The following PAQR5 variants were observed in gnomAD, a reference collection of about 807,000 sequenced individuals.
PAQR5 encodes the protein progestin and adipoQ receptor family member 5.
In PAQR5, 20 loss-of-function variants were observed where a neutral mutation model predicts 34.5. The observed-to-expected ratio is 0.58, with a 90% CI of 0.41 to 0.84. The LOEUF (loss-of-function observed/expected upper bound fraction) is 0.84. Among genes scored for constraint, PAQR5 ranks in the 40% least tolerant of loss-of-function variants. PAQR5 has a pLI of 0.00. For missense variants in PAQR5, 378 were observed against 412.7 expected, an observed-to-expected ratio of 0.92 and a Z score of 0.73; for synonymous variants, 131 against 155.6, an observed-to-expected ratio of 0.84 and a Z score of 1.18.
At chr15:69,322,466 C>G (rs958266853) in intron 1 of PAQR5, among the ~76,000 whole-genome samples, 3 of 148,280 alleles carry the variant, frequency 2.0e-5, no homozygotes, top group South Asian at 2.1e-4. Flanking sequence ...GAGACCCCGT[C>G]TCAAAAAAAC....
chr15:69,307,900 G>A (rs1179472503), intron 1 of PAQR5, among the ~76,000 whole-genome samples: 4 of 152,184 alleles, frequency 2.6e-5, no homozygotes, highest in Admixed American at 2.0e-4. Flanking sequence ...CAGGCACCTG[G>A]GTAAGTTCAC....
At chr15:69,309,726 C>T (rs570241785) in intron 1 of PAQR5, among the ~76,000 whole-genome samples, 1 of 152,292 alleles carries the variant, frequency 6.6e-6, no homozygotes, top group Non-Finnish European at 1.5e-5. Flanking sequence ...TAGCTACCTA[C>T]TGTGAGGTTT....
At chr15:69,391,729 G>A (rs1481191272) in intron 6 of PAQR5, 1 of 455,752 alleles carries the variant, frequency 2.2e-6, no homozygotes, top group Non-Finnish European at 4.4e-6. Flanking sequence ...GGGGGCAGAG[G>A]AGGAAGAGAA....
intron 8 of PAQR5, among the ~76,000 whole-genome samples, chr15:69,403,126 G>A (rs2056685721): frequency 6.6e-6 from 1 of 152,244 alleles, no homozygotes; most frequent in Non-Finnish European, 1.5e-5. Context: ...GAACTTTGGT[G>A]CCTAATTTTT....
intron 1 of PAQR5, among the ~76,000 whole-genome samples, chr15:69,308,969 G>A (rs2053774743): frequency 6.6e-6 from 1 of 152,154 alleles, no homozygotes; most frequent in Non-Finnish European, 1.5e-5. Context: ...GAGTGCTAAG[G>A]AAATCCCCCA....
chr15:69,329,540 A>G (rs1405216246), intron 1 of PAQR5, among the ~76,000 whole-genome samples: 1 of 128,856 alleles, frequency 7.8e-6, no homozygotes, highest in Non-Finnish European at 1.5e-5. Flanking sequence ...TTACCAGTGC[A>G]GTGGTGCAAT....
chr15:69,319,755 C>G (rs544570901), intron 1 of PAQR5, among the ~76,000 whole-genome samples: 7 of 152,140 alleles, frequency 4.6e-5, no homozygotes, highest in Non-Finnish European at 5.9e-5. Flanking sequence ...GAGCAGCATG[C>G]GGGTGCTTGC....
chr15:69,315,339 TA>T (rs754968696), intron 1 of PAQR5, among the ~76,000 whole-genome samples: 42 of 152,212 alleles, frequency 2.8e-4, no homozygotes, highest in Admixed American at 4.6e-4. Flanking sequence ...GTCTGAATAA[TA>T]AAAGAAAAGA....
chr15:69,390,716 G>A (rs1173127789), intron 6 of PAQR5, among the ~76,000 whole-genome samples: 1 of 152,134 alleles, frequency 6.6e-6, no homozygotes, highest in Non-Finnish European at 1.5e-5. Flanking sequence ...GTCACTAATG[G>A]TGACTGGGTG....
At chr15:69,358,633 A>ATTT (rs71149910) in intron 2 of PAQR5, among the ~76,000 whole-genome samples, 2 of 84,466 alleles carry the variant, frequency 2.4e-5, no homozygotes, top group African/African-American at 4.8e-5. Context: ...GCTCTGTGGC[A>ATTT]TTTTTTTTTT....
In PAQR5 at chr15:69,337,399, T is replaced by C. The variant is rs982993663; in HGVS notation, c.-218T>C. The C allele has an allele frequency of 6.6e-6, 1 of 152,298 alleles. No homozygotes were observed. Among genetic ancestry groups the C allele is most frequent in the Non-Finnish European group, 1.5e-5 (1 of 68,042 alleles). 9.4% of individuals were successfully genotyped at this position (152,298 alleles called of 1,614,324 possible). ...GATTTGACTGGAATGGCATGCTTCC[T>C]TTAAAGATGAAAGTTGACTTTTAGA... On this transcript the variant is annotated 5_prime_UTR_variant, in exon 2 of 9. Coordinates refer to ENST00000395407, the MANE Select transcript of PAQR5 (RefSeq NM_017705.4).
Position 69,384,800 on chromosome 15 carries a change from G to A in PAQR5, c.303G>A (p.Ala101=), listed in dbSNP as rs115116527. The A allele has an allele frequency of 1.8e-4, 298 of 1,614,042 alleles. 2 individuals carry two copies. The African/African-American group carries it at 3.0e-3, about 16-fold the overall frequency. Residue 101 remains alanine (A), a synonymous_variant, in exon 5 of 9, where the codon GCG becomes GCA. Transcript: ENST00000395407. The stretch of plus-strand genomic sequence containing the variant: ...TGTACCCACTTGTGTCCAGCTGTGC[G>A]CACACCTTCAGCTCTATGTCCAAGA... ...SCVYPLVSSC[A]HTFSSMSKNA...
chr15:69,323,543 G>A (rs2054177795), intron 1 of PAQR5, among the ~76,000 whole-genome samples: 1 of 152,176 alleles, frequency 6.6e-6, no homozygotes, highest in African/African-American at 2.4e-5. Flanking sequence ...GCAAATGCCA[G>A]CATTTGCAAC....
At chr15:69,387,735 C>T (rs112764417) in intron 5 of PAQR5, among the ~76,000 whole-genome samples, 1,631 of 152,180 alleles carry the variant, frequency 0.011, 26 homozygotes, top group African/African-American at 0.036. Flanking sequence ...TCCTCCATCA[C>T]GGGCCTCACT....
chr15:69,343,751 C>T (rs569102487), intron 2 of PAQR5, among the ~76,000 whole-genome samples: 3 of 152,146 alleles, frequency 2.0e-5, no homozygotes, highest in South Asian at 2.1e-4. Context: ...GCAAAAATAG[C>T]GGCATGACTT....
chr15:69,374,505 A>G (rs2055651062), intron 3 of PAQR5, among the ~76,000 whole-genome samples: 1 of 152,032 alleles, frequency 6.6e-6, no homozygotes, highest in Non-Finnish European at 1.5e-5. Flanking sequence ...TTGAAACCCT[A>G]TCTCTACTAA....
intron 6 of PAQR5, chr15:69,391,796 C>T: frequency 2.4e-6 from 1 of 413,916 alleles, no homozygotes; most frequent in Non-Finnish European, 4.9e-6. Context: ...GTGGCTCACA[C>T]CTGTAATCCC....
At chr15:69,340,629 T>G (rs1042655296) in intron 2 of PAQR5, among the ~76,000 whole-genome samples, 2 of 152,204 alleles carry the variant, frequency 1.3e-5, no homozygotes, top group African/African-American at 4.8e-5. Flanking sequence ...TTGGCCGTTT[T>G]CTTCCCATGG....
chr15:69,343,488 T>C (rs1193065315), intron 2 of PAQR5, among the ~76,000 whole-genome samples: 1 of 152,238 alleles, frequency 6.6e-6, no homozygotes, highest in African/African-American at 2.4e-5. Flanking sequence ...GTCTTCCACT[T>C]GCAAGTCCTG....
Sources: gnomAD v4.1 joint callset for allele counts (sites outside exome capture counted in the v4.1 genomes callset) on GRCh38, gnomAD v4.1.1 for gene constraint, MANE v1.5 for transcripts, NCBI Gene and HGNC (gene_info 2026-07-23, HGNC 2026-07-21) for gene names.